Variants in DEAF1 observed in about 807,000 individuals in gnomAD.
DEAF1 encodes deformed epidermal autoregulatory factor 1 homolog.
DEAF1 carries 53 observed loss-of-function variants against 58.9 expected under a neutral mutation model. The observed-to-expected ratio is 0.90, with a 90% CI of 0.72 to 1.13. DEAF1 has a LOEUF of 1.13. Ranked by LOEUF, DEAF1 falls within the 50% of genes most tolerant of loss-of-function variation. The pLI is 0.00. For synonymous variants in DEAF1, 385 were observed against 340.4 expected (o/e 1.13, Z -1.44); for missense variants, 685 against 791.4 (o/e 0.87, Z 1.61).
chr11:682,550 T>C (rs1479366586), intron 6 of DEAF1, among the ~76,000 whole-genome samples: 1 of 152,094 alleles, frequency 6.6e-6, no homozygotes, highest in Non-Finnish European at 1.5e-5. Context: ...TTTGGAGCTC[T>C]CTGTTCTTAC....
chr11:653,235 A>G, intron 11 of DEAF1, among the ~76,000 whole-genome samples: 1 of 147,342 alleles, frequency 6.8e-6, no homozygotes, highest in East Asian at 2.0e-4. Flanking sequence ...ATAATAGAGG[A>G]ACTGTGGACG....
intron 11 of DEAF1, among the ~76,000 whole-genome samples, chr11:650,833 AGAGGCTGCCGT>A (rs1298618058): frequency 3.9e-5 from 6 of 152,190 alleles, no homozygotes; most frequent in African/African-American, 1.4e-4. Flanking sequence ...GTGTATCTGT[AGAGGCTGCCGT>A]GAGTCAAGAT....
intron 10 of DEAF1, among the ~76,000 whole-genome samples, chr11:670,899 T>G (rs1190519361): frequency 6.9e-6 from 1 of 144,552 alleles, no homozygotes; most frequent in African/African-American, 2.6e-5. Flanking sequence ...CGTTTCAGCC[T>G]CTTGACTGGC....
chr11:701,479 T>C (rs569919876), intron 1 of DEAF1, among the ~76,000 whole-genome samples: 44 of 147,212 alleles, frequency 3.0e-4, no homozygotes, highest in Non-Finnish European at 5.2e-4. Flanking sequence ...GGCGTGAACT[T>C]GGCTCACTGC....
intron 4 of DEAF1, among the ~76,000 whole-genome samples, chr11:687,245 C>T (rs1430878605): frequency 2.0e-5 from 3 of 152,240 alleles, no homozygotes; most frequent in Admixed American, 2.0e-4. Context: ...CCAGGTCCCA[C>T]ACTGAGCACC....
At position 691,526 on chromosome 11, in the gene DEAF1, G is replaced by T; in HGVS notation, c.362C>A (p.Ala121Glu). The T allele has an allele frequency of 6.2e-7, 1 of 1,613,362 alleles. No homozygotes were observed. The highest frequency in any genetic ancestry group is 8.5e-7 in the Non-Finnish European group (1 of 1,180,014). Reference sequence around the variant, plus strand: ...CAGAACATGTCCTGAGATGGATGCCGCGTTCGCCACAGACGTGGTGAAGAC... The same window carrying T: ...CAGAACATGTCCTGAGATGGATGCCTCGTTCGCCACAGACGTGGTGAAGAC... ...DNVFTTSVAN[A>E]ASISGHVLSG... Residue 121 changes from alanine to glutamate, a missense_variant, in exon 2 of 12, where the codon GCG becomes GAG. This residue lies in a region of DEAF1 where 132 missense variants were observed against 234.3 expected (regional missense o/e 0.56). Coordinates refer to ENST00000382409, the MANE Select transcript of DEAF1 (RefSeq NM_021008.4).
At chr11:680,923 G>C (rs1590007860) in intron 7 of DEAF1, 40 bp downstream of exon 7, 3 of 1,613,990 alleles carry the variant, frequency 1.9e-6, no homozygotes, top group Non-Finnish European at 1.7e-6. Flanking sequence ...ATGCACTCAG[G>C]TCCCCTCAGT....
chr11:687,743 G>A (rs928549444), intron 4 of DEAF1, among the ~76,000 whole-genome samples, 168 bp downstream of exon 4: 5 of 151,924 alleles, frequency 3.3e-5, no homozygotes, highest in South Asian at 2.1e-4. Context: ...TGATCCACCC[G>A]CCTCGGCTTC....
At chr11:703,555 C>T in intron 1 of DEAF1, 1 of 1,234,070 alleles carries the variant, frequency 8.1e-7, no homozygotes, top group Non-Finnish European at 1.0e-6. Context: ...CCCTAGTTCC[C>T]CAATGGTCCT....
chr11:678,618 T>G (rs1860187863), intron 9 of DEAF1, 76 bp downstream of exon 9: 4 of 1,605,126 alleles, frequency 2.5e-6, no homozygotes, highest in Middle Eastern at 1.7e-4. Flanking sequence ...TGAATCCCAT[T>G]TCACTTAGGA....
At chr11:645,356 T>C (rs959749486) in intron 11 of DEAF1, among the ~76,000 whole-genome samples, 5 of 151,808 alleles carry the variant, frequency 3.3e-5, no homozygotes, top group African/African-American at 1.2e-4. Context: ...TCGCTCTTGT[T>C]TCCCAGGCTG....
intron 11 of DEAF1, among the ~76,000 whole-genome samples, chr11:645,865 A>T (rs375019044): frequency 5.3e-5 from 8 of 152,348 alleles, no homozygotes; most frequent in African/African-American, 1.9e-4. Flanking sequence ...GGGGCGTGAT[A>T]GGTACGTATA....
Position 678,897 on chromosome 11 carries a change from G to A in DEAF1, c.1127-75C>T, listed in dbSNP as rs1860204143. On this transcript the variant is annotated intron_variant, in intron 8 of 11. Transcript: ENST00000382409. ...CAGACTCTAAATATCACGCTGTATG[G>A]CTGCGCCATTCAGTACACATAGTAG... The A allele has an allele frequency of 2.5e-6, 4 of 1,592,308 alleles. No individual in the cohort carries two copies. The Admixed American group carries it at 5.1e-5, about 20-fold the overall frequency.
At chr11:654,638 G>A (rs1379573603) in intron 10 of DEAF1, 1 of 455,234 alleles carries the variant, frequency 2.2e-6, no homozygotes, top group Admixed American at 2.4e-5. Flanking sequence ...ACTTTGGGCA[G>A]CCGAGGCGGG....
At chr11:674,421 A>G in intron 10 of DEAF1, 115 bp downstream of exon 10, 1 of 1,401,296 alleles carries the variant, frequency 7.1e-7, no homozygotes, top group Non-Finnish European at 1.0e-6. Context: ...TTTTCCAGAA[A>G]GGTGGGGCAG....
At position 704,575 on chromosome 11, in the gene DEAF1, C is replaced by T. The variant is rs749472758; in HGVS notation, c.-438+1997G>A. 6 of 1,287,848 alleles carry T rather than the reference C, an allele frequency of 4.7e-6. No individual in the cohort carries two copies. The South Asian group carries it at 7.4e-5, about 16-fold the overall frequency. 79.8% of individuals were successfully genotyped at this position (1,287,848 alleles called of 1,614,324 possible). ...GGGCACACCTGCCATCTGGAGGACCCAGCCCACAAACCATGCAGACCAGGG... is the reference window on the plus strand; with the variant it reads ...GGGCACACCTGCCATCTGGAGGACCTAGCCCACAAACCATGCAGACCAGGG... On this transcript the variant is annotated intron_variant, in intron 1 of 11. Coordinates refer to the DEAF1 transcript ENST00000683307.
chr11:646,068 C>T lies in DEAF1; in HGVS notation c.1594-1414G>A, dbSNP rs1858479139. On this transcript the variant is annotated intron_variant, in intron 11 of 11. Transcript: ENST00000382409. ...AGGAGCTCGAGACCAGCCTGCCCAA[C>T]ATGGCAAAACCCCATCTCTACTAAA... Among the ~76,000 whole-genome samples, 3 of 151,952 alleles carry T rather than the reference C, an allele frequency of 2.0e-5. No individual in the cohort carries two copies. In the South Asian group the frequency reaches 6.2e-4, roughly 31 times the overall value.
chr11:671,743 C>T (rs1045826008), intron 10 of DEAF1, among the ~76,000 whole-genome samples: 60 of 144,554 alleles, frequency 4.2e-4, no homozygotes, highest in Non-Finnish European at 6.0e-4. Context: ...ATTAGGCAAG[C>T]GTGGTGGCAT....
intron 10 of DEAF1, among the ~76,000 whole-genome samples, chr11:673,477 G>A (rs1375656575): frequency 3.3e-5 from 5 of 152,128 alleles, no homozygotes; most frequent in African/African-American, 7.2e-5. Context: ...GCAGTGAGCC[G>A]AGATTGTGCC....
Sources: gnomAD v4.1 joint callset for allele counts (sites outside exome capture counted in the v4.1 genomes callset) on GRCh38, gnomAD v4.1.1 for gene constraint, gnomAD v4.1.1 regional missense constraint, MANE v1.5 for transcripts, NCBI Gene and HGNC (gene_info 2026-07-23, HGNC 2026-07-21) for gene names.